Variants in MCPH1 observed in about 807,000 individuals in gnomAD.
MCPH1 encodes the protein microcephalin 1, also known as microcephalin.
Under a neutral mutation model 84.5 loss-of-function variants are expected in MCPH1, and 104 were observed. The ratio of observed to expected loss-of-function variants is 1.23; its 90% CI spans 1.05 to 1.45. MCPH1 has a LOEUF of 1.45. MCPH1 is among the 40% of genes most tolerant of loss of function. MCPH1 has a pLI of 0.00. For synonymous variants in MCPH1, 514 were observed against 366.8 expected (o/e 1.40, Z -4.58); for missense variants, 1,498 against 1,005.7 (o/e 1.49, Z -6.62).
At chr8:6,479,264 C>G (rs1332218590) in intron 10 of MCPH1, among the ~76,000 whole-genome samples, 1 of 151,550 alleles carries the variant, frequency 6.6e-6, no homozygotes, top group African/African-American at 2.4e-5. Context: ...GAGACCCTGT[C>G]TCAAAACAAT....
chr8:6,487,730 T>G (rs911476022), intron 11 of MCPH1, among the ~76,000 whole-genome samples: 1 of 152,334 alleles, frequency 6.6e-6, no homozygotes, highest in East Asian at 1.9e-4. Flanking sequence ...GTCTCTGAAC[T>G]TTCACGGCTT....
rs920004099 is a variant in MCPH1, at chr8:6,572,894, G to A, written c.2215-48560G>A. Among the ~76,000 whole-genome samples, 4 of 151,972 alleles carry A rather than the reference G, an allele frequency of 2.6e-5. No homozygotes were observed. In the South Asian group the frequency reaches 8.3e-4, roughly 32 times the overall value. On this transcript the variant is annotated intron_variant, in intron 12 of 13. Coordinates refer to ENST00000344683, the MANE Select transcript of MCPH1 (RefSeq NM_024596.5). ...AAACCACGTAAGGGCTACGTGAACA[G>A]CAAGAATAGTTTCACTGTTTATTTA...
At chr8:6,523,709 C>G (rs1989105) in intron 12 of MCPH1, among the ~76,000 whole-genome samples, 86,410 of 151,946 alleles carry the variant, frequency 0.57, 25,560 homozygotes, top group East Asian at 0.92. Context: ...CCTGCCTCAG[C>G]CTCCTGAGTA....
At chr8:6,429,086 C>T (rs958595307) in intron 3 of MCPH1, among the ~76,000 whole-genome samples, 1 of 152,212 alleles carries the variant, frequency 6.6e-6, no homozygotes, top group Non-Finnish European at 1.5e-5. Context: ...CAGGCTCTTT[C>T]CACTCTTGAT....
chr8:6,427,918 G>A (rs905697712), intron 3 of MCPH1, among the ~76,000 whole-genome samples: 6 of 151,428 alleles, frequency 4.0e-5, no homozygotes, highest in Admixed American at 3.9e-4. Context: ...TCAGCCTCCT[G>A]AGTAGCTGGA....
intron 12 of MCPH1, among the ~76,000 whole-genome samples, chr8:6,550,391 C>T (rs957584933): frequency 1.3e-5 from 2 of 152,232 alleles, no homozygotes; most frequent in Non-Finnish European, 2.9e-5. Context: ...CACCCAGACA[C>T]GTGCGGTGAC....
chr8:6,573,517 G>C (rs188931141), intron 12 of MCPH1, among the ~76,000 whole-genome samples: 8 of 152,278 alleles, frequency 5.3e-5, no homozygotes, highest in Middle Eastern at 3.4e-3. Flanking sequence ...AAAATGACAA[G>C]ATAATAAACA....
At chr8:6,593,378 C>A (rs994304559) in intron 12 of MCPH1, among the ~76,000 whole-genome samples, 2 of 144,262 alleles carry the variant, frequency 1.4e-5, no homozygotes, top group African/African-American at 2.6e-5. Context: ...CCACCAAACT[C>A]AACTTATAAT....
intron 8 of MCPH1, chr8:6,446,467 C>T (rs1259621079): frequency 8.1e-6 from 8 of 985,022 alleles, no homozygotes; most frequent in African/African-American, 1.7e-5. Context: ...ATACGCTCCC[C>T]AAAATTGTTT....
chr8:6,555,653 G>T (rs566647891), intron 12 of MCPH1, among the ~76,000 whole-genome samples: 4 of 152,076 alleles, frequency 2.6e-5, no homozygotes, highest in Non-Finnish European at 4.4e-5. Context: ...GGTAGAGACG[G>T]GGTTTCATCG....
intron 3 of MCPH1, among the ~76,000 whole-genome samples, chr8:6,420,779 A>C (rs1800066584): frequency 1.3e-5 from 2 of 152,148 alleles, no homozygotes; most frequent in Admixed American, 1.3e-4. Flanking sequence ...TTTTGTTACC[A>C]GTGGAAGGTA....
intron 6 of MCPH1, 29 bp from the exon 7 acceptor site, chr8:6,442,038 C>T (rs140161935): frequency 1.4e-6 from 2 of 1,480,622 alleles, no homozygotes; most frequent in East Asian, 2.3e-5. Flanking sequence ...GAAACTTTAT[C>T]TAATGCAGTG....
At chr8:6,618,206 C>T (rs1036374420) in intron 12 of MCPH1, among the ~76,000 whole-genome samples, 1 of 152,156 alleles carries the variant, frequency 6.6e-6, no homozygotes, top group African/African-American at 2.4e-5. Flanking sequence ...CCAGGTAACA[C>T]ACAGGCTCCT....
rs55817304 is a variant in MCPH1 at position 6,640,095 on chromosome 8, T to C, written c.2453-2899T>C. Among the ~76,000 whole-genome samples the C allele has an allele frequency of 5.3e-3, 734 of 138,652 alleles. 5 individuals are homozygous for C. Among genetic ancestry groups the C allele is most frequent in the South Asian group, 9.9e-3 (43 of 4,352 alleles). The allele number at this position is 138,652 out of a possible 152,430, so 91.0% of individuals were successfully genotyped here. The stretch of plus-strand genomic sequence containing the variant: ...GTGTGTGTGTGTGTGTGTGTGTGTG[T>C]GTGCGCGCGCGTGTGTGTGTGTGTG... On this transcript the variant is annotated intron_variant, in intron 13 of 13. Transcript: ENST00000344683.
intron 12 of MCPH1, among the ~76,000 whole-genome samples, chr8:6,599,376 A>G (rs1829192555): frequency 6.6e-6 from 1 of 152,224 alleles, no homozygotes; most frequent in African/African-American, 2.4e-5. Flanking sequence ...CCAACTGTTT[A>G]AAGCAGAGCG....
chr8:6,406,716 A>C, intron 1 of MCPH1, 27 bp downstream of exon 1: 1 of 1,609,738 alleles, frequency 6.2e-7, no homozygotes, highest in Non-Finnish European at 8.5e-7. Context: ...TGCCTGCTCC[A>C]GCAGCGGGAG....
intron 13 of MCPH1, 122 bp from the exon 14 acceptor site, chr8:6,642,872 T>C: frequency 1.1e-6 from 1 of 891,302 alleles, no homozygotes; most frequent in East Asian, 2.6e-5. Flanking sequence ...GGGGGGCCTA[T>C]GGACAACACA....
At chr8:6,610,082 C>T (rs962337416) in intron 12 of MCPH1, among the ~76,000 whole-genome samples, 2 of 152,192 alleles carry the variant, frequency 1.3e-5, no homozygotes, top group Admixed American at 6.5e-5. Flanking sequence ...CGTAAGGACC[C>T]TCTAAGTCAT....
At chr8:6,513,795 G>C (rs370206079) in intron 12 of MCPH1, 8 of 1,613,716 alleles carry the variant, frequency 5.0e-6, no homozygotes, top group Middle Eastern at 1.6e-4. Context: ...AGTCAGTTGC[G>C]AAACAAACTC....
Sources: gnomAD v4.1 joint callset for allele counts (sites outside exome capture counted in the v4.1 genomes callset) on GRCh38, gnomAD v4.1.1 for gene constraint, MANE v1.5 for transcripts, NCBI Gene and HGNC (gene_info 2026-07-23, HGNC 2026-07-21) for gene names.